B4GALT1: variants seen among roughly 807,000 people sequenced by gnomAD.
B4GALT1 encodes N-acetyllactosamine synthase.
In B4GALT1, 16 loss-of-function variants were observed where a neutral mutation model predicts 34.9. The observed-to-expected ratio is 0.46, with a 90% CI of 0.31 to 0.70. The LOEUF (loss-of-function observed/expected upper bound fraction) is 0.70, where lower values mean the gene tolerates loss of function less well. Among genes scored for constraint, B4GALT1 ranks in the 30% least tolerant of loss-of-function variants. The pLI is 0.05. For missense variants in B4GALT1, 445 were observed against 530.5 expected (o/e 0.84, Z 1.58); for synonymous variants, 221 against 218.1 (o/e 1.01, Z -0.12).
rs112875696 is a variant in B4GALT1, at chr9:33,135,890, A to AGTGTGTGTGTGT, written c.413-478_413-467dup. 4.8e-3 allele frequency among the ~76,000 whole-genome samples: 504 copies of AGTGTGTGTGTGT among 104,126 alleles called. 5 individuals carry two copies. Among genetic ancestry groups the AGTGTGTGTGTGT allele is most frequent in the African/African-American group, 8.4e-3 (252 of 30,140 alleles). The allele number at this position is 104,126 out of a possible 152,430, so 68.3% of individuals were successfully genotyped here. A position where few individuals can be genotyped will look rare whatever the true frequency, so the allele number is the denominator to read the frequency against. ...TCTCTGATTCTAGCCTAACTGGGGA[A>AGTGTGTGTGTGT]GTGTGTGTGTGTGTGTGTGTATGTG... On this transcript the variant is annotated intron_variant, in intron 1 of 5. Transcript: ENST00000379731.
chr9:33,115,970 T>C (rs1564036076), intron 4 of B4GALT1, 21 bp downstream of exon 4: 2 of 1,606,386 alleles, frequency 1.2e-6, no homozygotes, highest in Non-Finnish European at 1.7e-6. Flanking sequence ...AGGAGAAAGA[T>C]ATCTAAGTTA....
the B4GALT1 span, among the ~76,000 whole-genome samples, chr9:33,184,234 T>C: frequency 7.4e-6 from 1 of 135,860 alleles, no homozygotes; most frequent in Non-Finnish European, 1.6e-5. Context: ...TAAAACAAAA[T>C]AAAATAAAGT....
At position 33,110,889 on chromosome 9, in the gene B4GALT1, G is replaced by C. The variant is rs781165196; in HGVS notation, c.*2565C>G. On this transcript the variant is annotated 3_prime_UTR_variant, in exon 6 of 6. Transcript: ENST00000379731. ...CCTGTCCAGGCTGAAGGCCAGCACA[G>C]CATCTCCTTTACTGTCCTGTGCCAC... 1 of 152,198 alleles carries C rather than the reference G, an allele frequency of 6.6e-6. No homozygotes were observed. The highest frequency in any genetic ancestry group is 1.5e-5 in the Non-Finnish European group (1 of 68,070). 9.4% of individuals were successfully genotyped at this position (152,198 alleles called of 1,614,324 possible).
At chr9:33,183,127 C>T in the B4GALT1 span, among the ~76,000 whole-genome samples, 5 of 152,130 alleles carry the variant, frequency 3.3e-5, no homozygotes, top group Non-Finnish European at 5.9e-5. Flanking sequence ...TTGCACACTG[C>T]TCTGAGTAGT....
At chr9:33,119,745 T>C (rs1170752897) in intron 3 of B4GALT1, among the ~76,000 whole-genome samples, 1 of 151,464 alleles carries the variant, frequency 6.6e-6, no homozygotes, top group Non-Finnish European at 1.5e-5. Flanking sequence ...CCAAGGAACA[T>C]CTGCTGAGGT....
chr9:33,184,430 G>A, the B4GALT1 span, among the ~76,000 whole-genome samples: 6 of 152,032 alleles, frequency 3.9e-5, no homozygotes, highest in East Asian at 3.9e-4. Flanking sequence ...CTTAAAATTC[G>A]CTCATAACTG....
chr9:33,138,647 C>G (rs1564046019), intron 1 of B4GALT1, among the ~76,000 whole-genome samples: 1 of 152,170 alleles, frequency 6.6e-6, no homozygotes, highest in Non-Finnish European at 1.5e-5. Context: ...CTTCTCTTCT[C>G]ACTCTCCCTA....
At chr9:33,117,068 T>C (rs1839950663) in intron 3 of B4GALT1, among the ~76,000 whole-genome samples, 1 of 152,140 alleles carries the variant, frequency 6.6e-6, no homozygotes, top group African/African-American at 2.4e-5. Flanking sequence ...TGTGCTCTGT[T>C]CCCGCACATG....
chr9:33,179,560 C>T, the B4GALT1 span: 13 of 152,356 alleles, frequency 8.5e-5, no homozygotes, highest in Non-Finnish European at 8.8e-5. Flanking sequence ...CTTATACAAA[C>T]AGTCCCTGAC....
chr9:33,148,035 T>TA (rs564238690), intron 1 of B4GALT1, among the ~76,000 whole-genome samples: 19 of 149,316 alleles, frequency 1.3e-4, no homozygotes, highest in South Asian at 8.5e-4. Flanking sequence ...CCCCAACTCT[T>TA]AAAAAAAAAA....
At chr9:33,175,020 T>TATATATATATAA in the B4GALT1 span, among the ~76,000 whole-genome samples, 219 of 38,916 alleles carry the variant, frequency 5.6e-3, 34 homozygotes, top group South Asian at 7.9e-3. Flanking sequence ...TATATATATA[T>TATATATATATAA]AAAATTGGAG....
intron 1 of B4GALT1, among the ~76,000 whole-genome samples, chr9:33,162,029 A>G (rs1840682406): frequency 6.6e-6 from 1 of 152,204 alleles, no homozygotes; most frequent in African/African-American, 2.4e-5. Context: ...CTGCCTTGCT[A>G]TTAACTGCCC....
At chr9:33,158,928 G>T (rs1005440021) in intron 1 of B4GALT1, among the ~76,000 whole-genome samples, 2 of 152,056 alleles carry the variant, frequency 1.3e-5, no homozygotes, top group Admixed American at 6.5e-5. Context: ...TTCTCTTCCT[G>T]GGGGGAGGGG....
intron 1 of B4GALT1, among the ~76,000 whole-genome samples, chr9:33,135,893 GTGTGTGTGTGTGTGTGTA>G (rs1840262773): frequency 1.9e-5 from 2 of 104,606 alleles, no homozygotes; most frequent in African/African-American, 6.0e-5. Context: ...CTGGGGAAGT[GTGTGTGTGTGTGTGTGTA>G]TGTGTGTGTG....
At chr9:33,158,021 C>A (rs895716942) in intron 1 of B4GALT1, among the ~76,000 whole-genome samples, 3 of 152,148 alleles carry the variant, frequency 2.0e-5, no homozygotes, top group African/African-American at 7.2e-5. Context: ...ATTTTTATGT[C>A]TGCTTAGACA....
At chr9:33,173,811 T>C in the B4GALT1 span, among the ~76,000 whole-genome samples, 27 of 152,074 alleles carry the variant, frequency 1.8e-4, no homozygotes, top group East Asian at 5.0e-3. Context: ...TGTCAGAAAG[T>C]GAGGAAGAAC....
downstream of B4GALT1, among the ~76,000 whole-genome samples, chr9:33,110,381 T>C (rs1285472689): frequency 6.6e-6 from 1 of 152,232 alleles, no homozygotes; most frequent in African/African-American, 2.4e-5. Flanking sequence ...TACTTTGAAA[T>C]GGCACTAGCT....
the B4GALT1 span, among the ~76,000 whole-genome samples, chr9:33,173,197 A>T: frequency 6.6e-6 from 1 of 152,202 alleles, no homozygotes; most frequent in African/African-American, 2.4e-5. Context: ...TGAGGTCAGC[A>T]GTTAGAGACC....
chr9:33,139,681 A>G (rs1840320108), intron 1 of B4GALT1, among the ~76,000 whole-genome samples: 1 of 152,226 alleles, frequency 6.6e-6, no homozygotes, highest in African/African-American at 2.4e-5. Context: ...GACTCCAGGA[A>G]GGCAACGACT....
Sources: allele counts gnomAD v4.1 joint callset (sites outside exome capture counted in the v4.1 genomes callset), GRCh38; gene constraint gnomAD v4.1.1; transcripts MANE v1.5; gene names NCBI Gene and HGNC (gene_info 2026-07-23, HGNC 2026-07-21).